Variants in AGBL4 observed in about 807,000 individuals in gnomAD.
AGBL4 encodes the protein cytosolic carboxypeptidase 6.
In AGBL4, 58 loss-of-function variants were observed where a neutral mutation model predicts 66.4. The observed-to-expected ratio is 0.87, with a 90% CI of 0.71 to 1.09. The LOEUF (loss-of-function observed/expected upper bound fraction) is 1.09. AGBL4 is among the 50% of genes least tolerant of loss of function. AGBL4 has a pLI of 0.00. For missense variants in AGBL4, 579 were observed against 631.0 expected (o/e 0.92, Z 0.88); for synonymous variants, 234 against 222.9 (o/e 1.05, Z -0.44).
At chr1:49,427,837 A>C (rs989975403) in intron 3 of AGBL4, among the ~76,000 whole-genome samples, 2 of 152,184 alleles carry the variant, frequency 1.3e-5, no homozygotes, top group African/African-American at 2.4e-5. Context: ...CATCCTGCTA[A>C]TTGGTCCATT....
At chr1:48,816,332 T>A (rs1282437067) in intron 6 of AGBL4, among the ~76,000 whole-genome samples, 1 of 152,168 alleles carries the variant, frequency 6.6e-6, no homozygotes, top group African/African-American at 2.4e-5. Context: ...AGTCCCTTGA[T>A]CATATCTGAG....
At chr1:49,289,520 G>T (rs904730979) in intron 3 of AGBL4, among the ~76,000 whole-genome samples, 1 of 152,068 alleles carries the variant, frequency 6.6e-6, no homozygotes. Flanking sequence ...GAAAAATTAG[G>T]GCTTCTGAGG....
intron 6 of AGBL4, among the ~76,000 whole-genome samples, chr1:48,752,698 T>C (rs1651930987): frequency 6.6e-6 from 1 of 152,218 alleles, no homozygotes; most frequent in South Asian, 2.1e-4. Flanking sequence ...CAGTACCTAC[T>C]GAGCACCTAC....
intron 4 of AGBL4, among the ~76,000 whole-genome samples, chr1:49,116,599 T>C (rs969453452): frequency 1.3e-5 from 2 of 152,202 alleles, no homozygotes; most frequent in African/African-American, 4.8e-5. Context: ...ATGTCCCACA[T>C]TTTCTTGATC....
At chr1:49,264,461 A>G (rs1246322903) in intron 3 of AGBL4, among the ~76,000 whole-genome samples, 2 of 152,156 alleles carry the variant, frequency 1.3e-5, no homozygotes, top group Non-Finnish European at 2.9e-5. Context: ...ATTTCCATAT[A>G]ATAAATTTTT....
intron 6 of AGBL4, among the ~76,000 whole-genome samples, chr1:48,852,676 C>T (rs780847703): frequency 3.9e-5 from 6 of 152,146 alleles, no homozygotes; most frequent in Non-Finnish European, 7.4e-5. Flanking sequence ...TTTAGGTCTA[C>T]GTTAGGATAG....
At chr1:49,946,905 T>C (rs908847221) in intron 1 of AGBL4, among the ~76,000 whole-genome samples, 1 of 151,592 alleles carries the variant, frequency 6.6e-6, no homozygotes, top group South Asian at 2.1e-4. Flanking sequence ...ATACAAAAGA[T>C]CATTCAAGGC....
chr1:48,780,210 G>C (rs1027849493), intron 6 of AGBL4, among the ~76,000 whole-genome samples: 2 of 17,248 alleles, frequency 1.2e-4, no homozygotes, highest in Non-Finnish European at 1.1e-4. Context: ...TACAGGCCCC[G>C]GTATGTGATG....
rs1370278689 is a variant in AGBL4, at chr1:49,565,836, G to C, written c.282+131477C>G. Among the ~76,000 whole-genome samples, 22 of 152,114 alleles carry C rather than the reference G, an allele frequency of 1.4e-4. 1 individual carries two copies. Among genetic ancestry groups the C allele is most frequent in the Admixed American group, 1.4e-3 (22 of 15,276 alleles). ...GGTGTTCTCTGTATTTCCTGAATTTGAATGTTAGCCTGCCTTGCTACATTG... is the reference window on the plus strand; with the variant it reads ...GGTGTTCTCTGTATTTCCTGAATTTCAATGTTAGCCTGCCTTGCTACATTG... On this transcript the variant is annotated intron_variant, in intron 3 of 13. Transcript: ENST00000371839.
At chr1:49,711,557 G>A (rs1647666403) in intron 2 of AGBL4, among the ~76,000 whole-genome samples, 1 of 151,978 alleles carries the variant, frequency 6.6e-6, no homozygotes, top group African/African-American at 2.4e-5. Context: ...AATGATCAGT[G>A]TTTATCTGGG....
intron 5 of AGBL4, among the ~76,000 whole-genome samples, chr1:48,930,008 T>A (rs879895430): frequency 2.0e-5 from 3 of 152,058 alleles, no homozygotes; most frequent in Non-Finnish European, 4.4e-5. Context: ...AATATATTGA[T>A]CTATAACTGG....
chr1:49,315,787 T>G (rs896292455), intron 3 of AGBL4, among the ~76,000 whole-genome samples: 1 of 152,052 alleles, frequency 6.6e-6, no homozygotes, highest in African/African-American at 2.4e-5. Context: ...TGAAAGCTGA[T>G]GTCCACACAA....
intron 1 of AGBL4, among the ~76,000 whole-genome samples, chr1:49,964,240 A>C (rs887282283): frequency 3.3e-5 from 5 of 152,120 alleles, no homozygotes; most frequent in African/African-American, 1.2e-4. Context: ...CTTTGAATTA[A>C]GACAGACCTG....
chr1:48,911,512 C>T (rs1025340621), intron 5 of AGBL4, among the ~76,000 whole-genome samples: 3 of 150,994 alleles, frequency 2.0e-5, no homozygotes, highest in African/African-American at 4.9e-5. Context: ...CCCAGCTACT[C>T]TGGAGGCTGA....
chr1:49,855,925 C>A (rs975943650), intron 1 of AGBL4, among the ~76,000 whole-genome samples: 1 of 151,526 alleles, frequency 6.6e-6, no homozygotes, highest in Non-Finnish European at 1.5e-5. Flanking sequence ...AAAATAGAAT[C>A]TAAAAAAATA....
chr1:48,828,922 C>CGT (rs371689742), intron 6 of AGBL4, among the ~76,000 whole-genome samples: 9 of 152,056 alleles, frequency 5.9e-5, no homozygotes, highest in South Asian at 2.1e-4. Context: ...GCATTGTGTA[C>CGT]GTGTGTGTGT....
intron 3 of AGBL4, among the ~76,000 whole-genome samples, chr1:49,606,424 A>T (rs1571159737): frequency 6.6e-6 from 1 of 152,090 alleles, no homozygotes; most frequent in Non-Finnish European, 1.5e-5. Context: ...TGCTGCTGCG[A>T]TCTTATTTTT....
chr1:49,702,513 CAATTCTTCACA>C (rs1211476002), intron 2 of AGBL4, among the ~76,000 whole-genome samples: 1 of 151,716 alleles, frequency 6.6e-6, no homozygotes, highest in Non-Finnish European at 1.5e-5. Flanking sequence ...AAAATAACAC[CAATTCTTCACA>C]AACTCTTGCC....
chr1:49,522,213 T>G (rs139053173), intron 3 of AGBL4, among the ~76,000 whole-genome samples: 4 of 152,240 alleles, frequency 2.6e-5, no homozygotes, highest in Admixed American at 6.5e-5. Flanking sequence ...TTATCATAGA[T>G]CCACCATTTA....
Sources: gnomAD v4.1 joint callset for allele counts (sites outside exome capture counted in the v4.1 genomes callset) on GRCh38, gnomAD v4.1.1 for gene constraint, MANE v1.5 for transcripts, NCBI Gene and HGNC (gene_info 2026-07-23, HGNC 2026-07-21) for gene names.